Variants in EPHB1 observed in about 807,000 individuals in gnomAD.
The protein encoded by EPHB1 is EPH receptor B1, also known as ephrin type-B receptor 1.
Under a neutral mutation model 94.4 loss-of-function variants are expected in EPHB1, and 30 were observed. That is an observed-to-expected ratio of 0.32 (90% CI 0.24 to 0.43). The LOEUF (loss-of-function observed/expected upper bound fraction) is 0.43. Among genes scored for constraint, EPHB1 ranks in the 20% least tolerant of loss-of-function variants. The pLI is 1.00. For synonymous variants in EPHB1, 522 were observed against 489.1 expected, an observed-to-expected ratio of 1.07 and a Z score of -0.89; for missense variants, 1,055 against 1,308.3, an observed-to-expected ratio of 0.81 and a Z score of 2.99.
chr3:135,142,192 T>C (rs1296538533), intron 5 of EPHB1, among the ~76,000 whole-genome samples: 1 of 152,154 alleles, frequency 6.6e-6, no homozygotes, highest in African/African-American at 2.4e-5. Context: ...GGTTGAAAGT[T>C]TGAGGAGAAT....
At chr3:135,082,249 G>A (rs1033867369) in intron 3 of EPHB1, among the ~76,000 whole-genome samples, 9 of 152,286 alleles carry the variant, frequency 5.9e-5, no homozygotes, top group Middle Eastern at 3.4e-3. Flanking sequence ...AGTTCAACAA[G>A]TACTTGAAAT....
chr3:134,919,966 G>C (rs2038650237), intron 1 of EPHB1, among the ~76,000 whole-genome samples: 1 of 152,056 alleles, frequency 6.6e-6, no homozygotes. Flanking sequence ...GAAGGAGGAA[G>C]TTCCAGCTGC....
At chr3:134,972,324 G>A (rs1203221372) in intron 3 of EPHB1, among the ~76,000 whole-genome samples, 2 of 148,946 alleles carry the variant, frequency 1.3e-5, no homozygotes, top group Non-Finnish European at 1.5e-5. Context: ...TTCTCTAAGA[G>A]TGTGTGTGTA....
chr3:135,046,561 C>A (rs1937006630), intron 3 of EPHB1, among the ~76,000 whole-genome samples: 1 of 152,208 alleles, frequency 6.6e-6, no homozygotes, highest in South Asian at 2.1e-4. Context: ...TTTACATCTA[C>A]CCCTTGGTGT....
intron 3 of EPHB1, among the ~76,000 whole-genome samples, chr3:134,958,540 A>G (rs1407480870): frequency 6.6e-6 from 1 of 152,054 alleles, no homozygotes; most frequent in Non-Finnish European, 1.5e-5. Context: ...TGAGAGGGAA[A>G]CCACAGCCCA....
intron 3 of EPHB1, among the ~76,000 whole-genome samples, chr3:135,046,850 G>C (rs1382616272): frequency 6.6e-6 from 1 of 152,218 alleles, no homozygotes; most frequent in Non-Finnish European, 1.5e-5. Flanking sequence ...AAAATGCTTA[G>C]TGACAATGCC....
intron 5 of EPHB1, among the ~76,000 whole-genome samples, chr3:135,140,727 C>T (rs1454308669): frequency 6.6e-6 from 1 of 152,160 alleles, no homozygotes; most frequent in South Asian, 2.1e-4. Context: ...GGCAGGGTCC[C>T]AGCTGCTTGA....
intron 1 of EPHB1, among the ~76,000 whole-genome samples, chr3:134,924,971 G>A (rs1325752357): frequency 6.6e-6 from 1 of 152,210 alleles, no homozygotes; most frequent in Non-Finnish European, 1.5e-5. Flanking sequence ...TGGGTATGAT[G>A]AATATGTTTA....
chr3:135,083,471 T>C (rs1374194281), intron 3 of EPHB1, among the ~76,000 whole-genome samples: 1 of 151,868 alleles, frequency 6.6e-6, no homozygotes, highest in African/African-American at 2.4e-5. Flanking sequence ...CTTTGAGACA[T>C]TTGCCTTAGG....
At chr3:134,943,046 G>A (rs1157770628) in intron 2 of EPHB1, among the ~76,000 whole-genome samples, 1 of 152,208 alleles carries the variant, frequency 6.6e-6, no homozygotes, top group Admixed American at 6.5e-5. Context: ...GAGGAAATAA[G>A]ACTGGAGCCA....
intron 4 of EPHB1, among the ~76,000 whole-genome samples, chr3:135,117,685 T>C (rs1939771560): frequency 6.6e-6 from 1 of 152,166 alleles, no homozygotes; most frequent in African/African-American, 2.4e-5. Context: ...GACTAGTAGG[T>C]TGTGGCAATG....
intron 12 of EPHB1, among the ~76,000 whole-genome samples, chr3:135,202,489 C>G (rs1942784385): frequency 6.6e-6 from 1 of 152,198 alleles, no homozygotes; most frequent in Non-Finnish European, 1.5e-5. Flanking sequence ...AAGCACCATT[C>G]CCTTTCACCT....
At chr3:135,226,279 CCTT>C (rs1943398613) in intron 12 of EPHB1, among the ~76,000 whole-genome samples, 1 of 152,218 alleles carries the variant, frequency 6.6e-6, no homozygotes, top group Admixed American at 6.5e-5. Context: ...TTGCCACACT[CCTT>C]ATGTCCCTGC....
intron 2 of EPHB1, among the ~76,000 whole-genome samples, chr3:134,935,457 G>T (rs1311084131): frequency 6.6e-6 from 1 of 152,220 alleles, no homozygotes; most frequent in Non-Finnish European, 1.5e-5. Context: ...ACTTTCAATA[G>T]TATGAAGGAT....
chr3:135,012,305 T>C (rs1046313034), intron 3 of EPHB1, among the ~76,000 whole-genome samples: 4 of 152,184 alleles, frequency 2.6e-5, no homozygotes, highest in African/African-American at 7.2e-5. Flanking sequence ...TTGGCTGCCA[T>C]GTGGCAGTGG....
intron 3 of EPHB1, among the ~76,000 whole-genome samples, chr3:135,062,561 A>T (rs1214120291): frequency 6.6e-6 from 1 of 150,530 alleles, no homozygotes; most frequent in African/African-American, 2.5e-5. Flanking sequence ...GATTTGTTTG[A>T]GTTTGTTGTA....
intron 1 of EPHB1, among the ~76,000 whole-genome samples, chr3:134,811,383 C>A (rs898031258): frequency 5.3e-5 from 8 of 150,578 alleles, no homozygotes; most frequent in Non-Finnish European, 1.0e-4. Flanking sequence ...GAATTATAGG[C>A]GAGCACCACC....
chr3:135,095,711 C>T (rs534387656), intron 3 of EPHB1, among the ~76,000 whole-genome samples: 7 of 152,192 alleles, frequency 4.6e-5, no homozygotes, highest in Non-Finnish European at 1.0e-4. Flanking sequence ...AGCCTGAGCA[C>T]TCAGGGCCCC....
At chr3:134,942,986 T>G (rs751040464) in intron 2 of EPHB1, among the ~76,000 whole-genome samples, 1 of 152,228 alleles carries the variant, frequency 6.6e-6, no homozygotes, top group Non-Finnish European at 1.5e-5. Flanking sequence ...AATCATGCTT[T>G]ATGCATTCAG....
Sources: allele counts gnomAD v4.1 joint callset (sites outside exome capture counted in the v4.1 genomes callset), GRCh38; gene constraint gnomAD v4.1.1; transcripts MANE v1.5; gene names NCBI Gene and HGNC (gene_info 2026-07-23, HGNC 2026-07-21).